Variants in LINGO2 observed in about 807,000 individuals in gnomAD.
The protein encoded by LINGO2 is leucine-rich repeat and immunoglobulin-like domain-containing nogo receptor-interacting protein 2.
A neutral mutation model predicts 30.6 loss-of-function variants in LINGO2; 14 were observed. The observed-to-expected ratio is 0.46, with a 90% CI of 0.30 to 0.72. The LOEUF (loss-of-function observed/expected upper bound fraction) is 0.72. Ranked by LOEUF, LINGO2 falls within the 30% of genes least tolerant of loss-of-function variation. LINGO2 has a pLI of 0.07. For missense variants in LINGO2, 729 were observed against 751.7 expected (o/e 0.97, Z 0.35); for synonymous variants, 317 against 288.5 (o/e 1.10, Z -1.00).
chr9:28,261,507 C>G (rs902095922), intron 4 of LINGO2, among the ~76,000 whole-genome samples: 3 of 151,828 alleles, frequency 2.0e-5, no homozygotes, highest in Non-Finnish European at 4.4e-5. Flanking sequence ...AGTCAAATCT[C>G]AAAACAAACA....
At chr9:28,348,784 G>C (rs1200786082) in intron 3 of LINGO2, among the ~76,000 whole-genome samples, 3 of 151,934 alleles carry the variant, frequency 2.0e-5, no homozygotes, top group Non-Finnish European at 2.9e-5. Flanking sequence ...GGTTCTCCCA[G>C]CACGCAGCTG....
intron 4 of LINGO2, among the ~76,000 whole-genome samples, chr9:28,094,981 C>T (rs1038385434): frequency 5.3e-5 from 8 of 152,042 alleles, no homozygotes; most frequent in Non-Finnish European, 1.0e-4. Context: ...TAATTAGATG[C>T]CTCAAAACCT....
At chr9:28,910,654 AT>A in the LINGO2 span, among the ~76,000 whole-genome samples, 2 of 152,006 alleles carry the variant, frequency 1.3e-5, no homozygotes, top group Admixed American at 1.3e-4. Context: ...CCATGTGAAG[AT>A]GTGCTTGCTT....
chr9:29,031,140 T>C, the LINGO2 span, among the ~76,000 whole-genome samples: 2 of 152,204 alleles, frequency 1.3e-5, no homozygotes, highest in East Asian at 3.9e-4. Context: ...ATCAAGAAGG[T>C]GCAAACAACA....
At chr9:28,950,299 G>A in the LINGO2 span, among the ~76,000 whole-genome samples, 3 of 152,276 alleles carry the variant, frequency 2.0e-5, no homozygotes, top group African/African-American at 7.2e-5. Context: ...TATGGAATGG[G>A]TAAAAATTGG....
the LINGO2 span, among the ~76,000 whole-genome samples, chr9:28,959,468 A>C: frequency 6.6e-6 from 1 of 152,132 alleles, no homozygotes; most frequent in Non-Finnish European, 1.5e-5. Context: ...GGACAAAATA[A>C]GGATGAGAAA....
chr9:28,430,097 C>CACGCGT (rs2134940369), intron 2 of LINGO2, among the ~76,000 whole-genome samples: 1 of 47,190 alleles, frequency 2.1e-5, no homozygotes, highest in African/African-American at 7.3e-5. Context: ...CTGATTTCCA[C>CACGCGT]GCGCGCGCGC....
chr9:28,014,887 C>T (rs1283801001), intron 4 of LINGO2, among the ~76,000 whole-genome samples: 1 of 152,092 alleles, frequency 6.6e-6, no homozygotes, highest in Non-Finnish European at 1.5e-5. Flanking sequence ...GAAAACTCTC[C>T]AAATAATCTG....
rs562593734 is a variant in LINGO2 at position 28,109,256 on chromosome 9, AG to A, written c.-86-96852del. Among the ~76,000 whole-genome samples the A allele has an allele frequency of 2.6e-5, 4 of 152,344 alleles. No individual in the cohort carries two copies. The South Asian group carries it at 8.3e-4, about 32-fold the overall frequency. On this transcript the variant is annotated intron_variant, in intron 4 of 5. Transcript: ENST00000379992. ...TGATGGAACATATCTCAAAATAGTA[AG>A]AGCTATTTATGTCAAACCCACAGAC...
chr9:28,970,689 G>A, the LINGO2 span, among the ~76,000 whole-genome samples: 1 of 152,086 alleles, frequency 6.6e-6, no homozygotes, highest in Non-Finnish European at 1.5e-5. Context: ...ATTTAGACCA[G>A]CCCTAGCCAA....
At chr9:28,819,963 C>T in the LINGO2 span, among the ~76,000 whole-genome samples, 24 of 152,152 alleles carry the variant, frequency 1.6e-4, no homozygotes, top group African/African-American at 5.6e-4. Context: ...ATCCCCCACC[C>T]TCTGAATCAA....
the LINGO2 span, among the ~76,000 whole-genome samples, chr9:29,143,896 G>C: frequency 5.6e-4 from 86 of 152,244 alleles, no homozygotes; most frequent in African/African-American, 1.9e-3. Context: ...GATTTTTATA[G>C]TTTGGGTTGC....
chr9:28,267,577 G>A (rs746481590), intron 4 of LINGO2, among the ~76,000 whole-genome samples: 3 of 151,754 alleles, frequency 2.0e-5, no homozygotes, highest in Non-Finnish European at 4.4e-5. Context: ...TTTCCACTTC[G>A]GTGCCTTTGC....
At chr9:28,430,426 C>T (rs1375446862) in intron 2 of LINGO2, among the ~76,000 whole-genome samples, 1 of 152,170 alleles carries the variant, frequency 6.6e-6, no homozygotes, top group Non-Finnish European at 1.5e-5. Context: ...TTATAATTGA[C>T]AAAATACACC....
chr9:28,096,262 A>G (rs1826239550), intron 4 of LINGO2, among the ~76,000 whole-genome samples: 1 of 152,314 alleles, frequency 6.6e-6, no homozygotes, highest in Middle Eastern at 3.4e-3. Context: ...GATAATATTT[A>G]TGGTATTTGA....
the LINGO2 span, among the ~76,000 whole-genome samples, chr9:28,808,602 A>G: frequency 3.2e-4 from 48 of 152,300 alleles, no homozygotes; most frequent in African/African-American, 1.1e-3. Context: ...TGGAGTTTGG[A>G]CTATTCATTC....
At chr9:28,112,011 A>G (rs147490749) in intron 4 of LINGO2, among the ~76,000 whole-genome samples, 14,517 of 130,134 alleles carry the variant, frequency 0.11, 1,035 homozygotes, top group South Asian at 0.18. Flanking sequence ...TGCACCCACT[A>G]ATGTGTCATC....
intron 4 of LINGO2, among the ~76,000 whole-genome samples, chr9:28,070,457 C>T (rs1023887152): frequency 2.0e-4 from 31 of 152,138 alleles, no homozygotes; most frequent in Non-Finnish European, 7.4e-5. Flanking sequence ...ATAATCATTT[C>T]AGTTTATTTG....
chr9:28,784,682 G>A, the LINGO2 span, among the ~76,000 whole-genome samples: 2 of 152,120 alleles, frequency 1.3e-5, no homozygotes, highest in African/African-American at 4.8e-5. Context: ...GGTCGGGCGC[G>A]GTGGCTCACG....
Sources: allele counts gnomAD v4.1 joint callset (sites outside exome capture counted in the v4.1 genomes callset), GRCh38; gene constraint gnomAD v4.1.1; transcripts MANE v1.5; gene names NCBI Gene and HGNC (gene_info 2026-07-23, HGNC 2026-07-21).